Variants in PTCD2 observed in about 807,000 individuals in gnomAD.
PTCD2 encodes the protein pentatricopeptide repeat-containing protein 2, mitochondrial.
A neutral mutation model predicts 42.6 loss-of-function variants in PTCD2; 31 were observed. The ratio of observed to expected loss-of-function variants is 0.73; its 90% CI spans 0.55 to 0.98. The LOEUF is 0.98. Ranked by LOEUF, PTCD2 falls within the 50% of genes least tolerant of loss-of-function variation. The pLI, the probability that PTCD2 is intolerant of heterozygous loss-of-function variation, is 0.00. For missense variants in PTCD2, 476 were observed against 454.8 expected, an observed-to-expected ratio of 1.05 and a Z score of -0.42; for synonymous variants, 183 against 170.9, an observed-to-expected ratio of 1.07 and a Z score of -0.55.
rs766589502 is a variant in PTCD2, at chr5:72,359,322, A to T, written c.*895A>T. On this transcript the variant is annotated 3_prime_UTR_variant, in exon 10 of 10. Coordinates refer to ENST00000380639, the MANE Select transcript of PTCD2 (RefSeq NM_024754.5). ...AGCAGTTCAAAGCTGCTTCATACTT[A>T]TGGTCTCAAATATAGTATGTGTTGA... 3.9e-5 allele frequency: 6 copies of T among 152,182 alleles called. No homozygotes were observed. The highest frequency in any genetic ancestry group is 1.4e-4 in the African/African-American group (6 of 41,456). The allele number at this position is 152,182 out of a possible 1,614,324, so 9.4% of individuals were successfully genotyped here.
At position 72,320,394 on chromosome 5, in the gene PTCD2, C is replaced by A. The variant is rs1248353782; in HGVS notation, c.12C>A (p.Asp4Glu). MVR[D>E]SMAAAFRPSN... ...TTCCAGTAGTTGGTATGGTCCGAGA[C>A]AGTATGGCTGCTGCATTTCGGCCCT... The change falls in exon 1 of 10, where the codon GAC becomes GAA. Residue 4 changes from aspartate to glutamate, a missense_variant. Transcript: ENST00000380639. The A allele has an allele frequency of 1.9e-6, 3 of 1,614,136 alleles. No individual in the cohort carries two copies. Among genetic ancestry groups the A allele is most frequent in the Admixed American group, 1.7e-5 (1 of 60,026 alleles).
chr5:72,351,071 C>G (rs1393878482), intron 8 of PTCD2, among the ~76,000 whole-genome samples: 3 of 151,924 alleles, frequency 2.0e-5, no homozygotes, highest in East Asian at 3.9e-4. Flanking sequence ...AGTAATTGAC[C>G]AAAAGTAGAA....
intron 4 of PTCD2, among the ~76,000 whole-genome samples, chr5:72,333,746 G>T (rs1751565868): frequency 6.6e-6 from 1 of 152,126 alleles, no homozygotes; most frequent in Admixed American, 6.5e-5. Flanking sequence ...TAAAGAATAG[G>T]TTTTATGTAC....
intron 7 of PTCD2, among the ~76,000 whole-genome samples, chr5:72,341,613 A>C (rs1195420346): frequency 6.6e-6 from 1 of 152,078 alleles, no homozygotes; most frequent in East Asian, 1.9e-4. Flanking sequence ...AGTACCTAGT[A>C]CATGCCTGTA....
chr5:72,356,547 A>G (rs1752883162), intron 9 of PTCD2, among the ~76,000 whole-genome samples: 1 of 152,236 alleles, frequency 6.6e-6, no homozygotes, highest in Admixed American at 6.5e-5. Context: ...AGTTATTTAA[A>G]AAGTGTTATG....
intron 6 of PTCD2, among the ~76,000 whole-genome samples, chr5:72,337,885 T>C (rs746018353): frequency 6.6e-6 from 1 of 152,244 alleles, no homozygotes; most frequent in Middle Eastern, 3.4e-3. Flanking sequence ...TTTCACCCAG[T>C]GGAGATGAGT....
chr5:72,351,753 A>G (rs984598354), intron 8 of PTCD2, among the ~76,000 whole-genome samples: 1 of 152,056 alleles, frequency 6.6e-6, no homozygotes, highest in African/African-American at 2.4e-5. Context: ...CCATGATCCA[A>G]TCACCTCCCA....
intron 9 of PTCD2, 58 bp downstream of exon 9, chr5:72,352,812 T>C (rs1418880396): frequency 2.1e-5 from 18 of 858,560 alleles, no homozygotes; most frequent in South Asian, 3.2e-5. Flanking sequence ...CTTAAAAATG[T>C]CCACTAATTT....
chr5:72,337,363 A>T (rs1325253371), intron 6 of PTCD2, among the ~76,000 whole-genome samples: 1 of 151,824 alleles, frequency 6.6e-6, no homozygotes, highest in African/African-American at 2.4e-5. Context: ...CATTCATACC[A>T]TTCTATGATT....
chr5:72,325,457 C>T (rs958463040), intron 2 of PTCD2, among the ~76,000 whole-genome samples: 1 of 152,146 alleles, frequency 6.6e-6, no homozygotes, highest in Non-Finnish European at 1.5e-5. Context: ...GAGGAAGGTA[C>T]CACGATCCTT....
rs906182534 is a variant in PTCD2, at chr5:72,367,076, G to C, written c.*8649G>C. ...CTCTACCCTTCCAGATTCATCAAATGATAGTCAACCTTACTGTCTCTTCCT... is the reference window on the plus strand; with the variant it reads ...CTCTACCCTTCCAGATTCATCAAATCATAGTCAACCTTACTGTCTCTTCCT... On this transcript the variant is annotated 3_prime_UTR_variant, in exon 10 of 10. Transcript: ENST00000380639. 4 of 152,202 alleles carry C rather than the reference G, an allele frequency of 2.6e-5. No individual in the cohort carries two copies. Among genetic ancestry groups the C allele is most frequent in the Non-Finnish European group, 5.9e-5 (4 of 68,032 alleles). 9.4% of individuals were successfully genotyped at this position (152,202 alleles called of 1,614,324 possible).
At chr5:72,351,998 A>T (rs1329580039) in intron 8 of PTCD2, among the ~76,000 whole-genome samples, 1 of 152,188 alleles carries the variant, frequency 6.6e-6, no homozygotes, top group Non-Finnish European at 1.5e-5. Context: ...TCCCCATTTT[A>T]CAAATGAGGG....
At chr5:72,333,479 A>G (rs1156273311) in intron 4 of PTCD2, among the ~76,000 whole-genome samples, 1 of 152,194 alleles carries the variant, frequency 6.6e-6, no homozygotes, top group Admixed American at 6.5e-5. Flanking sequence ...TATCCTGTTT[A>G]TCATTTCTTT....
Position 72,341,565 on chromosome 5 carries a change from T to G in PTCD2, c.754-1397T>G, listed in dbSNP as rs188357482. On this transcript the variant is annotated intron_variant, in intron 7 of 9. Transcript: ENST00000380639. ...CAAGACAACATAGGGAGACCCTGTC[T>G]CTACAAAAAATAAATAAATAAATAA... 2.6e-5 allele frequency among the ~76,000 whole-genome samples: 4 copies of G among 151,870 alleles called. No individual in the cohort carries two copies. The East Asian group carries it at 7.8e-4, about 30-fold the overall frequency.
rs879682664 is a variant in PTCD2, at chr5:72,328,619, A to AT, written c.350+1889dup. Among the ~76,000 whole-genome samples, 1,043 of 140,206 alleles carry AT rather than the reference A, an allele frequency of 7.4e-3. 9 individuals carry two copies. The highest frequency in any genetic ancestry group is 0.023 in the African/African-American group (873 of 38,466). The allele number at this position is 140,206 out of a possible 152,430, so 92.0% of individuals were successfully genotyped here. A position where few individuals can be genotyped will look rare whatever the true frequency, so the allele number is the denominator to read the frequency against. ...AAGAAACCACTGTTAATATTTTTGCATTTTTTTTTTTCACAGATGTAAAGA... is the reference window on the plus strand; with the variant it reads ...AAGAAACCACTGTTAATATTTTTGCATTTTTTTTTTTTCACAGATGTAAAGA... On this transcript the variant is annotated intron_variant, in intron 3 of 9. Transcript: ENST00000380639.
chr5:72,340,944 G>A (rs886444064), intron 7 of PTCD2, among the ~76,000 whole-genome samples: 5 of 146,292 alleles, frequency 3.4e-5, no homozygotes, highest in Non-Finnish European at 5.9e-5. Flanking sequence ...TTTCTTCATC[G>A]GCCAGTTATT....
At chr5:72,326,567 C>G (rs919782498) in intron 2 of PTCD2, 45 bp from the exon 3 acceptor site, 22 of 1,608,856 alleles carry the variant, frequency 1.4e-5, no homozygotes, top group Non-Finnish European at 1.8e-5. Context: ...TCCTTATACT[C>G]TCAGTCAGCC....
chr5:72,365,517 C>T lies in PTCD2; in HGVS notation c.*7090C>T, dbSNP rs1343582982. 2.6e-5 allele frequency: 4 copies of T among 152,206 alleles called. No homozygotes were observed. The East Asian group carries it at 7.7e-4, about 29-fold the overall frequency. The allele number at this position is 152,206 out of a possible 1,614,324, so 9.4% of individuals were successfully genotyped here. A position where few individuals can be genotyped will look rare whatever the true frequency, so the allele number is the denominator to read the frequency against. On this transcript the variant is annotated 3_prime_UTR_variant, in exon 10 of 10. Coordinates refer to ENST00000380639, the MANE Select transcript of PTCD2 (RefSeq NM_024754.5). ...ACAACTCAATTTGATTTTGAATCCG[C>T]AAGTGCAAGTCTCATTCCTGGTAAC...
chr5:72,326,411 G>T (rs1292133935), intron 2 of PTCD2, among the ~76,000 whole-genome samples: 1 of 152,178 alleles, frequency 6.6e-6, no homozygotes, highest in African/African-American at 2.4e-5. Context: ...CTGTGCCCAT[G>T]TCCCTGCCTC....
Sources: gnomAD v4.1 joint callset for allele counts (sites outside exome capture counted in the v4.1 genomes callset) on GRCh38, gnomAD v4.1.1 for gene constraint, MANE v1.5 for transcripts, NCBI Gene and HGNC (gene_info 2026-07-23, HGNC 2026-07-21) for gene names.